The following CCDC178 variants were observed in gnomAD, a reference collection of about 807,000 sequenced individuals.
The protein encoded by CCDC178 is coiled-coil domain-containing protein 178.
Under a neutral mutation model 117.4 loss-of-function variants are expected in CCDC178, and 126 were observed. The ratio of observed to expected loss-of-function variants is 1.07; its 90% confidence interval spans 0.93 to 1.24. The LOEUF (loss-of-function observed/expected upper bound fraction) is 1.24. Ranked by LOEUF, CCDC178 falls within the 50% of genes most tolerant of loss-of-function variation. The pLI is 0.00. For synonymous variants in CCDC178, 283 were observed against 313.4 expected, an observed-to-expected ratio of 0.90 and a Z score of 1.02; for missense variants, 1,030 against 986.9, an observed-to-expected ratio of 1.04 and a Z score of -0.59.
At chr18:33,116,615 A>T in intron 20 of CCDC178, among the ~76,000 whole-genome samples, 1 of 151,886 alleles carries the variant, frequency 6.6e-6, no homozygotes, top group Non-Finnish European at 1.5e-5. Context: ...GGCAGGGTTT[A>T]TTTCCTTATA....
chr18:33,179,081 ATATATATATATATAT>A (rs2058699536), intron 20 of CCDC178, among the ~76,000 whole-genome samples: 1 of 62,140 alleles, frequency 1.6e-5, no homozygotes, highest in Non-Finnish European at 2.8e-5. Context: ...AAAAAAAAAT[ATATATATATATATAT>A]ATATATATAT....
chr18:33,247,578 G>A (rs2144697810), intron 14 of CCDC178, among the ~76,000 whole-genome samples: 1 of 151,992 alleles, frequency 6.6e-6, no homozygotes, highest in South Asian at 2.1e-4. Context: ...TATGGGGTGT[G>A]TGTGCAAGCA....
intron 20 of CCDC178, among the ~76,000 whole-genome samples, chr18:33,193,691 C>T (rs1250205956): frequency 5.9e-5 from 9 of 152,060 alleles, no homozygotes; most frequent in African/African-American, 2.2e-4. Context: ...ATCAAATACC[C>T]ATAGTTTATT....
In CCDC178 at chr18:33,060,229, C is replaced by T. The variant is rs138673270; in HGVS notation, c.2388+32532G>A. On this transcript the variant is annotated intron_variant, in intron 21 of 22. Coordinates refer to ENST00000383096, the MANE Select transcript of CCDC178 (RefSeq NM_001105528.4). Reference sequence around the variant, plus strand: ...ATCATTGGTAAAAGGAGCCAAATAACGAGTTTCTGGTTGACAAATGACATT... The same window carrying T: ...ATCATTGGTAAAAGGAGCCAAATAATGAGTTTCTGGTTGACAAATGACATT... Among the ~76,000 whole-genome samples, 1,099 of 152,166 alleles carry T rather than the reference C, an allele frequency of 7.2e-3. 20 individuals carry two copies. The highest frequency in any genetic ancestry group is 0.025 in the African/African-American group (1,026 of 41,532).
chr18:33,042,140 A>G (rs115806164), intron 21 of CCDC178, among the ~76,000 whole-genome samples: 1 of 152,042 alleles, frequency 6.6e-6, no homozygotes, highest in African/African-American at 2.4e-5. Flanking sequence ...CATGACACCA[A>G]CTACCAACCT....
At chr18:33,325,301 T>C (rs1374739517) in intron 10 of CCDC178, among the ~76,000 whole-genome samples, 1 of 152,028 alleles carries the variant, frequency 6.6e-6, no homozygotes, top group East Asian at 1.9e-4. Context: ...TTTAATCATG[T>C]TAATACAATA....
intron 5 of CCDC178, among the ~76,000 whole-genome samples, chr18:33,382,642 G>A (rs370037548): frequency 1.7e-4 from 26 of 152,124 alleles, no homozygotes; most frequent in African/African-American, 5.3e-4. Context: ...GCTACCCAGC[G>A]GGGGTACTAC....
rs2063609692 is a variant in CCDC178, at chr18:33,394,865, A to G, written c.118+2284T>C. ...CAAAATAATAGTGTATATAATTCAT[A>G]TTTCTTGGAATGGCAGGCTAGGTTT... On this transcript the variant is annotated intron_variant, in intron 4 of 22. Transcript: ENST00000383096. 4.1e-5 allele frequency among the ~76,000 whole-genome samples: 6 copies of G among 146,622 alleles called. No homozygotes were observed. In the South Asian group the frequency reaches 1.3e-3, roughly 31 times the overall value.
chr18:32,953,220 C>T lies in CCDC178; in HGVS notation c.2524-15129G>A, dbSNP rs376089076. Among the ~76,000 whole-genome samples, 29 of 152,336 alleles carry T rather than the reference C, an allele frequency of 1.9e-4. No individual in the cohort carries two copies. In the East Asian group the frequency reaches 3.7e-3, roughly 19 times the overall value. ...AAAATGCTGCCAGTCTCTTTGCTAACGCATAACAAGAGCGACCTTTGCACT... is the reference window on the plus strand; with the variant it reads ...AAAATGCTGCCAGTCTCTTTGCTAATGCATAACAAGAGCGACCTTTGCACT... On this transcript the variant is annotated intron_variant, in intron 22 of 22. Coordinates refer to ENST00000383096, the MANE Select transcript of CCDC178 (RefSeq NM_001105528.4).
intron 21 of CCDC178, chr18:32,983,405 T>A (rs2144721012): frequency 9.4e-7 from 1 of 1,067,658 alleles, no homozygotes. Context: ...CAGAAGTCCG[T>A]ATTTCCTATC....
intron 20 of CCDC178, among the ~76,000 whole-genome samples, chr18:33,140,321 A>G (rs924052229): frequency 3.3e-5 from 5 of 152,124 alleles, no homozygotes; most frequent in Non-Finnish European, 4.4e-5. Flanking sequence ...TCCAGACCCC[A>G]GAATTATAGA....
intron 20 of CCDC178, among the ~76,000 whole-genome samples, chr18:33,169,909 C>A (rs1442144356): frequency 6.6e-6 from 1 of 152,128 alleles, no homozygotes; most frequent in East Asian, 1.9e-4. Flanking sequence ...ATATTCATCA[C>A]CAGCTTACAT....
intron 11 of CCDC178, among the ~76,000 whole-genome samples, chr18:33,322,352 T>G (rs531026036): frequency 6.6e-6 from 1 of 152,038 alleles, no homozygotes; most frequent in South Asian, 2.1e-4. Context: ...ATGTTAATGT[T>G]GTGGTATAAA....
intron 21 of CCDC178, among the ~76,000 whole-genome samples, chr18:33,003,003 A>G (rs1295937645): frequency 6.6e-6 from 1 of 152,154 alleles, no homozygotes; most frequent in African/African-American, 2.4e-5. Flanking sequence ...TGAACAGACC[A>G]AAAGCAAATA....
At chr18:33,416,131 G>GA (rs2063936554) in intron 2 of CCDC178, among the ~76,000 whole-genome samples, 1 of 152,040 alleles carries the variant, frequency 6.6e-6, no homozygotes, top group African/African-American at 2.4e-5. Flanking sequence ...AAACACATCA[G>GA]AAAAAAACTG....
chr18:33,301,231 G>T (rs931881230), intron 11 of CCDC178, among the ~76,000 whole-genome samples: 1 of 152,240 alleles, frequency 6.6e-6, no homozygotes, highest in Non-Finnish European at 1.5e-5. Context: ...TGTTAAGCCT[G>T]TGGGTGCATA....
intron 22 of CCDC178, among the ~76,000 whole-genome samples, chr18:32,947,763 C>T (rs1268335745): frequency 5.9e-5 from 9 of 152,034 alleles, no homozygotes; most frequent in Non-Finnish European, 1.0e-4. Context: ...TGGTGCTGTA[C>T]ATAAGACATC....
chr18:33,260,746 T>C (rs570504444), intron 14 of CCDC178, among the ~76,000 whole-genome samples: 6 of 152,224 alleles, frequency 3.9e-5, no homozygotes, highest in African/African-American at 1.4e-4. Context: ...TCCAAAAAAA[T>C]AGACTATTGT....
intron 21 of CCDC178, among the ~76,000 whole-genome samples, chr18:33,011,772 A>C (rs1354812921): frequency 1.1e-5 from 1 of 89,022 alleles, no homozygotes; most frequent in African/African-American, 5.5e-5. Flanking sequence ...GAATGCAAAA[A>C]AAAAAAAAAA....
Sources: gnomAD v4.1 joint callset for allele counts (sites outside exome capture counted in the v4.1 genomes callset) on GRCh38, gnomAD v4.1.1 for gene constraint, MANE v1.5 for transcripts, NCBI Gene and HGNC (gene_info 2026-07-23, HGNC 2026-07-21) for gene names.